The following B3GLCT variants were observed in gnomAD, a reference collection of about 807,000 sequenced individuals.
B3GLCT encodes the protein beta-1,3-glucosyltransferase.
In B3GLCT, 65 loss-of-function variants were observed where a neutral mutation model predicts 63.4. The ratio of observed to expected loss-of-function variants is 1.03; its 90% CI spans 0.84 to 1.26. The LOEUF (loss-of-function observed/expected upper bound fraction) is 1.26, where lower values mean the gene tolerates loss of function less well. Among genes scored for constraint, B3GLCT ranks in the 50% most tolerant of loss-of-function variants. The pLI, the probability that B3GLCT is intolerant of heterozygous loss-of-function variation, is 0.00. For missense variants in B3GLCT, 577 were observed against 604.8 expected (o/e 0.95, Z 0.48); for synonymous variants, 233 against 219.2 (o/e 1.06, Z -0.55).
chr13:31,290,137 A>G (rs755945562), intron 12 of B3GLCT, among the ~76,000 whole-genome samples: 1 of 151,914 alleles, frequency 6.6e-6, no homozygotes, highest in Non-Finnish European at 1.5e-5. Context: ...CTGTTCCTGT[A>G]TTAGTTTGCT....
chr13:31,297,335 C>G (rs942106458), intron 12 of B3GLCT, among the ~76,000 whole-genome samples: 10 of 150,728 alleles, frequency 6.6e-5, no homozygotes, highest in African/African-American at 2.4e-4. Flanking sequence ...CACAAGGTTT[C>G]CAGTTTCTCC....
intron 4 of B3GLCT, among the ~76,000 whole-genome samples, chr13:31,244,536 C>A (rs966942320): frequency 3.3e-5 from 5 of 152,070 alleles, no homozygotes; most frequent in African/African-American, 1.2e-4. Flanking sequence ...AAAATGGTAT[C>A]ATTTAGTGAC....
intron 4 of B3GLCT, among the ~76,000 whole-genome samples, chr13:31,239,831 T>C (rs956195379): frequency 1.8e-4 from 27 of 152,146 alleles, no homozygotes; most frequent in Non-Finnish European, 2.5e-4. Flanking sequence ...TAAGATTAAA[T>C]TGGAAACAAT....
intron 4 of B3GLCT, among the ~76,000 whole-genome samples, chr13:31,245,778 A>G (rs1322204528): frequency 6.6e-6 from 1 of 152,142 alleles, no homozygotes; most frequent in Non-Finnish European, 1.5e-5. Context: ...ATGAATATAT[A>G]TATTTGCTGG....
At chr13:31,262,545 A>G (rs1872089493) in intron 7 of B3GLCT, among the ~76,000 whole-genome samples, 1 of 152,174 alleles carries the variant, frequency 6.6e-6, no homozygotes, top group African/African-American at 2.4e-5. Context: ...GGAGAGGGGA[A>G]TATGTTCTGC....
At chr13:31,260,379 G>A (rs781606885) in intron 6 of B3GLCT, 1 of 152,250 alleles carries the variant, frequency 6.6e-6, no homozygotes, top group Non-Finnish European at 1.5e-5. Flanking sequence ...CTCTTTTCAG[G>A]GCAGCTCCTA....
chr13:31,246,755 T>C (rs1871208314), intron 4 of B3GLCT, among the ~76,000 whole-genome samples: 1 of 152,148 alleles, frequency 6.6e-6, no homozygotes, highest in Admixed American at 6.5e-5. Context: ...CTTGTAGGTC[T>C]TGAGCTCTAT....
At chr13:31,290,040 C>G (rs1873574885) in intron 12 of B3GLCT, among the ~76,000 whole-genome samples, 1 of 152,122 alleles carries the variant, frequency 6.6e-6, no homozygotes, top group East Asian at 1.9e-4. Context: ...CCAACAGGCC[C>G]TGGTGTGTGA....
chr13:31,241,095 A>G (rs1256601420), intron 4 of B3GLCT, among the ~76,000 whole-genome samples: 1 of 152,258 alleles, frequency 6.6e-6, no homozygotes, highest in Non-Finnish European at 1.5e-5. Context: ...CTCAACAGTA[A>G]TGAAATCTTC....
chr13:31,280,274 T>C (rs914921471), intron 10 of B3GLCT, among the ~76,000 whole-genome samples: 16 of 152,218 alleles, frequency 1.1e-4, no homozygotes, highest in Non-Finnish European at 2.9e-5. Flanking sequence ...TAAGAAATTA[T>C]AAAAGTTTTA....
chr13:31,325,894 A>G (rs1418643520), intron 14 of B3GLCT, among the ~76,000 whole-genome samples: 1 of 152,260 alleles, frequency 6.6e-6, no homozygotes. Flanking sequence ...CTGGGCCGTC[A>G]CATTTCTTCT....
At chr13:31,309,202 A>G (rs926962415) in intron 12 of B3GLCT, among the ~76,000 whole-genome samples, 1 of 152,198 alleles carries the variant, frequency 6.6e-6, no homozygotes, top group African/African-American at 2.4e-5. Flanking sequence ...TCTGAACCTG[A>G]GCCATTCTAG....
intron 6 of B3GLCT, among the ~76,000 whole-genome samples, chr13:31,254,846 T>G (rs949381102): frequency 6.6e-6 from 1 of 151,906 alleles, no homozygotes; most frequent in Non-Finnish European, 1.5e-5. Flanking sequence ...GGTCAGGAGT[T>G]TGAGACCAGT....
intron 11 of B3GLCT, among the ~76,000 whole-genome samples, chr13:31,285,966 TC>T (rs534772343): frequency 3.1e-3 from 479 of 152,224 alleles, no homozygotes; most frequent in African/African-American, 0.011. Context: ...TACACAGAGA[TC>T]AAGAGTAAAG....
At chr13:31,204,887 A>G (rs1449170778) in intron 1 of B3GLCT, among the ~76,000 whole-genome samples, 1 of 152,186 alleles carries the variant, frequency 6.6e-6, no homozygotes, top group East Asian at 1.9e-4. Context: ...CACCATGGGT[A>G]GTAGTGCTGT....
rs77373280 is a variant in B3GLCT at position 31,242,787 on chromosome 13, A to G, written c.271-4236A>G. Among the ~76,000 whole-genome samples, 494 of 152,374 alleles carry G rather than the reference A, an allele frequency of 3.2e-3. 1 individual carries two copies. The highest frequency in any genetic ancestry group is 0.011 in the African/African-American group (452 of 41,590). Reference sequence around the variant, plus strand: ...ATTGTTCATAAAAATAAAAATTTCTAAATAATGAGGTAATATTTTATCTTG... The same window carrying G: ...ATTGTTCATAAAAATAAAAATTTCTGAATAATGAGGTAATATTTTATCTTG... On this transcript the variant is annotated intron_variant, in intron 4 of 14. Transcript: ENST00000343307.
chr13:31,248,538 G>A (rs1462608833), intron 6 of B3GLCT, among the ~76,000 whole-genome samples: 3 of 152,132 alleles, frequency 2.0e-5, no homozygotes, highest in Non-Finnish European at 4.4e-5. Flanking sequence ...AACCTGGGAG[G>A]GTCAGGACAG....
rs1875927686 is a variant in B3GLCT at position 31,331,560 on chromosome 13, A to T, written c.*1892A>T. 1 of 149,288 alleles carries T rather than the reference A, an allele frequency of 6.7e-6. No individual in the cohort carries two copies. The highest frequency in any genetic ancestry group is 2.5e-5 in the African/African-American group (1 of 40,368). 9.2% of individuals were successfully genotyped at this position (149,288 alleles called of 1,614,324 possible). Reference sequence around the variant, plus strand: ...TCAAATATTGTGTTCATTAGTCTAGACTGGGAATGGGGAGGGGAAATGGGG... The same window carrying T: ...TCAAATATTGTGTTCATTAGTCTAGTCTGGGAATGGGGAGGGGAAATGGGG... On this transcript the variant is annotated 3_prime_UTR_variant, in exon 15 of 15. Coordinates refer to ENST00000343307, the MANE Select transcript of B3GLCT (RefSeq NM_194318.4).
chr13:31,310,620 C>T (rs558125420), intron 12 of B3GLCT, among the ~76,000 whole-genome samples: 6 of 152,292 alleles, frequency 3.9e-5, no homozygotes, highest in African/African-American at 9.6e-5. Flanking sequence ...CCAGGAGCCA[C>T]GGGCTGGAGT....
Sources: gnomAD v4.1 joint callset for allele counts (sites outside exome capture counted in the v4.1 genomes callset) on GRCh38, gnomAD v4.1.1 for gene constraint, MANE v1.5 for transcripts, NCBI Gene and HGNC (gene_info 2026-07-23, HGNC 2026-07-21) for gene names.